The following RSPRY1 variants were observed in gnomAD, a reference collection of about 807,000 sequenced individuals.
The protein encoded by RSPRY1 is RING finger and SPRY domain-containing protein 1.
RSPRY1 carries 23 observed loss-of-function variants against 73.1 expected under a neutral mutation model. The observed-to-expected ratio is 0.31, with a 90% CI of 0.23 to 0.45. RSPRY1 has a LOEUF of 0.45. Among genes scored for constraint, RSPRY1 ranks in the 20% least tolerant of loss-of-function variants. RSPRY1 has a pLI of 1.00. For synonymous variants in RSPRY1, 226 were observed against 251.4 expected, an observed-to-expected ratio of 0.90 and a Z score of 0.95; for missense variants, 448 against 698.7, an observed-to-expected ratio of 0.64 and a Z score of 4.05.
At chr16:57,213,321 G>A (rs1233118143) in intron 5 of RSPRY1, among the ~76,000 whole-genome samples, 1 of 152,098 alleles carries the variant, frequency 6.6e-6, no homozygotes, top group Admixed American at 6.5e-5. Context: ...AAAGAAAAAA[G>A]TTGTGCTTAT....
At chr16:57,206,619 G>T (rs1054704914) in intron 2 of RSPRY1, among the ~76,000 whole-genome samples, 3 of 152,226 alleles carry the variant, frequency 2.0e-5, no homozygotes, top group Middle Eastern at 3.4e-3. Context: ...CTGGCGTACA[G>T]TGGCGTGATC....
At chr16:57,212,683 C>T (rs569083856) in intron 4 of RSPRY1, among the ~76,000 whole-genome samples, 68 of 152,184 alleles carry the variant, frequency 4.5e-4, no homozygotes, top group African/African-American at 1.6e-3. Flanking sequence ...GGCACGATCT[C>T]GGCTCACTGC....
chr16:57,207,326 T>C (rs2074744837), intron 2 of RSPRY1, among the ~76,000 whole-genome samples: 1 of 152,010 alleles, frequency 6.6e-6, no homozygotes, highest in South Asian at 2.1e-4. Context: ...TTTGGGGCTT[T>C]TTTTTTTTCC....
At chr16:57,190,015 T>C (rs2074325845) in intron 1 of RSPRY1, among the ~76,000 whole-genome samples, 1 of 152,180 alleles carries the variant, frequency 6.6e-6, no homozygotes, top group Admixed American at 6.5e-5. Flanking sequence ...ACACTCTATA[T>C]AGTTTGGAGA....
intron 1 of RSPRY1, among the ~76,000 whole-genome samples, chr16:57,200,113 G>C (rs572110801): frequency 6.8e-6 from 1 of 147,252 alleles, no homozygotes; most frequent in Admixed American, 6.8e-5. Context: ...GACTCTTAAC[G>C]AGCATGCTGC....
At chr16:57,210,071 CTTCT>C (rs1406862237) in intron 4 of RSPRY1, among the ~76,000 whole-genome samples, 22 of 134,612 alleles carry the variant, frequency 1.6e-4, no homozygotes, top group Middle Eastern at 3.5e-3. Flanking sequence ...CCCTTCCTTC[CTTCT>C]TTCCTTCCCT....
chr16:57,216,626 G>A (rs2074945543), intron 7 of RSPRY1: 2 of 399,546 alleles, frequency 5.0e-6, no homozygotes, highest in Non-Finnish European at 9.2e-6. Context: ...ATGCTGAGGC[G>A]GGGGGATCAC....
intron 1 of RSPRY1, among the ~76,000 whole-genome samples, chr16:57,188,292 T>C (rs112850989): frequency 1.1e-4 from 17 of 152,274 alleles, no homozygotes; most frequent in African/African-American, 4.1e-4. Context: ...TACTAGTGTT[T>C]GGTTCGTCGT....
At chr16:57,191,750 T>C (rs2074355766) in intron 1 of RSPRY1, among the ~76,000 whole-genome samples, 2 of 152,246 alleles carry the variant, frequency 1.3e-5, no homozygotes, top group Admixed American at 1.3e-4. Flanking sequence ...AATGCAAAGA[T>C]AGATTCTCTA....
chr16:57,218,977 C>T (rs1173621487), intron 8 of RSPRY1, among the ~76,000 whole-genome samples: 2 of 122,838 alleles, frequency 1.6e-5, no homozygotes, highest in African/African-American at 6.6e-5. Context: ...ACCTCGTGAT[C>T]CGCCCGCCTC....
At chr16:57,193,557 A>G (rs2074387185) in intron 1 of RSPRY1, among the ~76,000 whole-genome samples, 1 of 149,438 alleles carries the variant, frequency 6.7e-6, no homozygotes, top group Non-Finnish European at 1.5e-5. Flanking sequence ...TAGTGGGATG[A>G]TCTCGGCTCA....
intron 12 of RSPRY1, among the ~76,000 whole-genome samples, 167 bp downstream of exon 12, chr16:57,230,980 G>T (rs1384980231): frequency 6.6e-6 from 1 of 152,196 alleles, no homozygotes; most frequent in Non-Finnish European, 1.5e-5. Context: ...CCCAAAGTTT[G>T]ATACAGGAAG....
rs572502062 is a variant in RSPRY1 at position 57,205,169 on chromosome 16, G to A, written c.350+161G>A. ...ATGCTCCGCTGATGGCAGAGTAAAT[G>A]ATAAGATTTGATGTTTTTGCTTGCT... On this transcript the variant is annotated intron_variant, in intron 2 of 14. Transcript: ENST00000394420. 19 of 595,842 alleles carry A rather than the reference G, an allele frequency of 3.2e-5. No homozygotes were observed. In the South Asian group the frequency reaches 4.1e-4, roughly 13 times the overall value. The allele number at this position is 595,842 out of a possible 1,614,324, so 36.9% of individuals were successfully genotyped here.
Position 57,231,262 on chromosome 16 carries a change from T to A in RSPRY1, c.1472T>A (p.Phe491Tyr). The change falls in exon 13 of 15, where the codon TTT becomes TAT. Residue 491 changes from phenylalanine (F) to tyrosine (Y), a missense_variant. Physicochemically the swap from Phe to Tyr is conservative, Grantham distance 22. Coordinates refer to ENST00000394420, the MANE Select transcript of RSPRY1 (RefSeq NM_133368.3). ...KPFKYPPSMKFSTFNDYAFLT... is the reference protein window; with the variant it reads ...KPFKYPPSMKYSTFNDYAFLT... Reference sequence around the variant, plus strand: ...TTCAAATACCCACCATCTATGAAATTTAGCACTTTTAATGACTACGCCTTC... The same window carrying A: ...TTCAAATACCCACCATCTATGAAATATAGCACTTTTAATGACTACGCCTTC... 2.5e-6 allele frequency: 4 copies of A among 1,613,900 alleles called. No homozygotes were observed. The highest frequency in any genetic ancestry group is 3.4e-6 in the Non-Finnish European group (4 of 1,179,948).
upstream of RSPRY1, chr16:57,186,263 C>T: frequency 1.3e-6 from 1 of 795,236 alleles, no homozygotes; most frequent in Non-Finnish European, 1.5e-6. Flanking sequence ...AGAGGGCTTG[C>T]CACCGAGGAA....
chr16:57,231,065 G>A (rs1345239024), intron 12 of RSPRY1, 102 bp from the exon 13 acceptor site: 16 of 1,076,250 alleles, frequency 1.5e-5, no homozygotes, highest in Non-Finnish European at 1.8e-5. Flanking sequence ...TTTCTGCCAG[G>A]GTAGGATTGA....
intron 1 of RSPRY1, among the ~76,000 whole-genome samples, chr16:57,197,690 C>G (rs189184628): frequency 1.5e-4 from 23 of 152,160 alleles, no homozygotes; most frequent in African/African-American, 5.1e-4. Flanking sequence ...TTCTTACCTT[C>G]GTATTTAGTC....
In RSPRY1 at chr16:57,208,148, A is replaced by G. The variant is rs746995380; in HGVS notation, c.403+38A>G. 8 of 1,268,964 alleles carry G rather than the reference A, an allele frequency of 6.3e-6. No homozygotes were observed. The East Asian group carries it at 1.9e-4, about 30-fold the overall frequency. 78.6% of individuals were successfully genotyped at this position (1,268,964 alleles called of 1,614,324 possible). A position where few individuals can be genotyped will look rare whatever the true frequency, so the allele number is the denominator to read the frequency against. ...TTGTTTTCATTACTTTATAATGAATATATAATAATGAAGAAAAGTAGCCAC... is the reference window on the plus strand; with the variant it reads ...TTGTTTTCATTACTTTATAATGAATGTATAATAATGAAGAAAAGTAGCCAC... On this transcript the variant is annotated intron_variant, in intron 3 of 14. Coordinates refer to ENST00000394420, the MANE Select transcript of RSPRY1 (RefSeq NM_133368.3).
rs1018646570 is a variant in RSPRY1, at chr16:57,216,806, C to G, written c.770-98C>G. On this transcript the variant is annotated intron_variant, in intron 7 of 14. Transcript: ENST00000394420. ...TTGAAGTCTAATCTAGTCTCCAATT[C>G]TTTAATTGCCTCTTCCCCCTCCTTA... 2.4e-5 allele frequency: 27 copies of G among 1,145,998 alleles called. No homozygotes were observed. The Admixed American group carries it at 3.9e-4, about 16-fold the overall frequency. 71.0% of individuals were successfully genotyped at this position (1,145,998 alleles called of 1,614,324 possible). A position where few individuals can be genotyped will look rare whatever the true frequency, so the allele number is the denominator to read the frequency against.
Sources: allele counts gnomAD v4.1 joint callset (sites outside exome capture counted in the v4.1 genomes callset), GRCh38; gene constraint gnomAD v4.1.1; transcripts MANE v1.5; gene names NCBI Gene and HGNC (gene_info 2026-07-23, HGNC 2026-07-21).